CACNA1H: variants seen among roughly 807,000 people sequenced by gnomAD.
The protein encoded by CACNA1H is calcium voltage-gated channel subunit alpha1 H.
Under a neutral mutation model 192.5 loss-of-function variants are expected in CACNA1H, and 149 were observed. The observed-to-expected ratio is 0.77, with a 90% CI of 0.68 to 0.89. The LOEUF (loss-of-function observed/expected upper bound fraction) is 0.89. CACNA1H is among the 40% of genes least tolerant of loss of function. The pLI is 0.00. For synonymous variants in CACNA1H, 2,202 were observed against 1,475.2 expected (o/e 1.49, Z -11.29); for missense variants, 4,257 against 3,423.5 (o/e 1.24, Z -6.08).
intron 2 of CACNA1H, among the ~76,000 whole-genome samples, chr16:1,191,952 G>T (rs1484375654): frequency 1.3e-5 from 2 of 152,284 alleles, no homozygotes; most frequent in African/African-American, 4.8e-5. Flanking sequence ...AGCACCGCAG[G>T]TCCGGGAGAT....
intron 11 of CACNA1H, 143 bp downstream of exon 11, chr16:1,205,408 G>C: frequency 1.1e-6 from 1 of 927,406 alleles, no homozygotes; most frequent in Non-Finnish European, 1.6e-6. Flanking sequence ...GCAGGTGCTT[G>C]GTGACCCCAG....
chr16:1,166,576 A>G (rs1330177001), intron 2 of CACNA1H, among the ~76,000 whole-genome samples: 1 of 151,872 alleles, frequency 6.6e-6, no homozygotes, highest in Admixed American at 6.5e-5. Context: ...GGGTTCCAGA[A>G]TGCTTTCCTC....
chr16:1,203,892 T>C (rs1968318885), intron 9 of CACNA1H, 118 bp from the exon 10 acceptor site: 1 of 710,170 alleles, frequency 1.4e-6, no homozygotes, highest in Non-Finnish European at 2.3e-6. Context: ...GGTTGGACTC[T>C]GGATGGATCT....
chr16:1,187,156 G>A (rs1966154519), intron 2 of CACNA1H, among the ~76,000 whole-genome samples: 1 of 152,252 alleles, frequency 6.6e-6, no homozygotes, highest in Non-Finnish European at 1.5e-5. Flanking sequence ...GTCTTCTTGA[G>A]CAAATTGGAA....
At chr16:1,205,375 C>T (rs954561870) in intron 11 of CACNA1H, 110 bp downstream of exon 11, 8 of 1,193,296 alleles carry the variant, frequency 6.7e-6, no homozygotes, top group African/African-American at 4.6e-5. Flanking sequence ...ACGACGATAG[C>T]TCTTTATGAC....
Position 1,220,934 on chromosome 16 carries a change from G to T in CACNA1H, c.7002G>T (p.Glu2334Asp). The T allele has an allele frequency of 1.2e-6, 2 of 1,609,584 alleles. No homozygotes were observed. The highest frequency in any genetic ancestry group is 1.7e-6 in the Non-Finnish European group (2 of 1,178,056). The change falls in exon 35 of 35, where the codon GAG becomes GAT. Residue 2334 changes from glutamate (E) to aspartate (D), a missense_variant. Transcript: ENST00000348261. The part of the protein sequence containing the change: ...LYLTVPQCPL[E>D]KPGSPSATPA... ...TCACAGTCCCCCAGTGTCCTCTGGAGAAACCAGGGTCCCCCTCAGCCACCC... is the reference window on the plus strand; with the variant it reads ...TCACAGTCCCCCAGTGTCCTCTGGATAAACCAGGGTCCCCCTCAGCCACCC...
intron 8 of CACNA1H, among the ~76,000 whole-genome samples, 182 bp from the exon 9 acceptor site, chr16:1,201,481 G>A (rs1465901933): frequency 1.3e-5 from 2 of 152,148 alleles, no homozygotes; most frequent in African/African-American, 2.4e-5. Flanking sequence ...GCTACTGTAT[G>A]CCGTCTGCTC....
rs1221469935 is a variant in CACNA1H, at chr16:1,180,898, C to T, written c.300-14074C>T. Among the ~76,000 whole-genome samples, 4 of 152,096 alleles carry T rather than the reference C, an allele frequency of 2.6e-5. No individual in the cohort carries two copies. The highest frequency in any genetic ancestry group is 1.9e-4 in the East Asian group (1 of 5,188). Reference sequence around the variant, plus strand: ...TGCTGAGGACAGACCTGCTGGGCCGCGTTGGCAGGGGCTCACCCCGTCTTC... The same window carrying T: ...TGCTGAGGACAGACCTGCTGGGCCGTGTTGGCAGGGGCTCACCCCGTCTTC... On this transcript the variant is annotated intron_variant, in intron 2 of 34. Transcript: ENST00000348261. The surrounding 1 kb of genome is among the most constrained non-coding windows in gnomAD (Gnocchi z 4.4).
chr16:1,182,041 C>T (rs1261222477), intron 2 of CACNA1H, among the ~76,000 whole-genome samples: 2 of 152,348 alleles, frequency 1.3e-5, no homozygotes, highest in East Asian at 1.9e-4. Flanking sequence ...CTCCCTGTCT[C>T]CCCACACAGA....
intron 2 of CACNA1H, among the ~76,000 whole-genome samples, chr16:1,179,726 G>A (rs1371266691): frequency 1.4e-5 from 2 of 144,904 alleles, no homozygotes; most frequent in Admixed American, 6.8e-5. Flanking sequence ...ACCACGCCCG[G>A]CCTCTTTTTT....
intron 3 of CACNA1H, 82 bp from the exon 4 acceptor site, chr16:1,195,349 GC>G: frequency 1.3e-6 from 2 of 1,512,098 alleles, no homozygotes; most frequent in Non-Finnish European, 8.9e-7. Context: ...AAGACTGGGG[GC>G]CGGGCTCTTG....
intron 2 of CACNA1H, among the ~76,000 whole-genome samples, chr16:1,170,210 AC>A (rs1382106881): frequency 2.0e-5 from 3 of 152,012 alleles, no homozygotes; most frequent in African/African-American, 7.2e-5. Flanking sequence ...CTGCAGGGTT[AC>A]CGAGGCTCAG....
In CACNA1H at chr16:1,211,427, G is replaced by A. The variant is rs1969435082; in HGVS notation, c.4351-54G>A. ...CCTCACTCGCGCCCCAGGAAGTCCGGTGTGGGGTGGGGCACAGGCCAGGCC... is the reference window on the plus strand; with the variant it reads ...CCTCACTCGCGCCCCAGGAAGTCCGATGTGGGGTGGGGCACAGGCCAGGCC... On this transcript the variant is annotated intron_variant, in intron 22 of 34. Transcript: ENST00000348261. The A allele has an allele frequency of 4.3e-6, 7 of 1,610,554 alleles. No homozygotes were observed. In the South Asian group the frequency reaches 5.5e-5, roughly 13 times the overall value.
chr16:1,213,963 G>A (rs773728216), intron 27 of CACNA1H, 32 bp downstream of exon 27: 3 of 1,576,870 alleles, frequency 1.9e-6, no homozygotes, highest in African/African-American at 1.3e-5. Flanking sequence ...GGGGCCCAGG[G>A]GCTGGGGCAC....
rs146478429 is a variant in CACNA1H, at chr16:1,188,029, C to T, written c.300-6943C>T. 6.6e-4 allele frequency among the ~76,000 whole-genome samples: 101 copies of T among 152,342 alleles called. 2 individuals carry two copies. The East Asian group carries it at 0.018, about 28-fold the overall frequency. ...GTTTTGCAGGAAGGTCTGCATAAAA[C>T]CTGTCAGCGCCAGAAAGATGAAATA... On this transcript the variant is annotated intron_variant, in intron 2 of 34. Transcript: ENST00000348261.
At position 1,153,418 on chromosome 16, in the gene CACNA1H, G is replaced by T; in HGVS notation, c.-71G>T. ...CCGGGCGCCGAGCGGGGTCCGCGGTGACCGCGCCGCCCGGGCGATGCCCGC... is the reference window on the plus strand; with the variant it reads ...CCGGGCGCCGAGCGGGGTCCGCGGTTACCGCGCCGCCCGGGCGATGCCCGC... On this transcript the variant is annotated 5_prime_UTR_variant, in exon 1 of 35. Coordinates refer to ENST00000348261, the MANE Select transcript of CACNA1H (RefSeq NM_021098.3). The T allele has an allele frequency of 1.4e-5, 2 of 147,760 alleles. No homozygotes were observed. Among genetic ancestry groups the T allele is most frequent in the South Asian group, 3.7e-4 (2 of 5,462 alleles). 9.2% of individuals were successfully genotyped at this position (147,760 alleles called of 1,614,324 possible).
intron 2 of CACNA1H, among the ~76,000 whole-genome samples, chr16:1,178,962 C>G (rs1435446173): frequency 6.6e-6 from 1 of 152,234 alleles, no homozygotes; most frequent in South Asian, 2.1e-4. Context: ...GGCCCCGTGC[C>G]CCTCCCAGCC....
In CACNA1H at chr16:1,210,893, C is replaced by G. The variant is rs566220434; in HGVS notation, c.4145C>G (p.Ala1382Gly). The G allele has an allele frequency of 1.2e-6, 2 of 1,604,982 alleles. No individual in the cohort carries two copies. The highest frequency in any genetic ancestry group is 4.5e-5 in the East Asian group (2 of 44,876). ...GTGTCCCTGGTGGACATTGTCGTGG[C>G]CATGGCCTCGGCTGGTGGCGCCAAG... ...VLVSLVDIVV[A>G]MASAGGAKIL... The change falls in exon 21 of 35, where the codon GCC (alanine) becomes GGC (glycine). Residue 1382 changes from alanine (A) to glycine (G), a missense_variant. By Grantham distance (60) the Ala-to-Gly change is moderately conservative. Transcript: ENST00000348261.
At chr16:1,199,939 T>A (rs568286153) in intron 6 of CACNA1H, among the ~76,000 whole-genome samples, 3 of 152,096 alleles carry the variant, frequency 2.0e-5, no homozygotes, top group Admixed American at 6.5e-5. Context: ...TCTGTGCTGT[T>A]CTTTGTTGAT....
Sources: allele counts gnomAD v4.1 joint callset (sites outside exome capture counted in the v4.1 genomes callset), GRCh38; gene constraint gnomAD v4.1.1; non-coding constraint Gnocchi (gnomAD v3.1); transcripts MANE v1.5; gene names NCBI Gene and HGNC (gene_info 2026-07-23, HGNC 2026-07-21).